Variants in CDH5 observed in about 807,000 individuals in gnomAD.
CDH5 encodes the protein cadherin 5.
CDH5 carries 28 observed loss-of-function variants against 62.0 expected under a neutral mutation model. The observed-to-expected ratio is 0.45, with a 90% CI of 0.33 to 0.62. The LOEUF (loss-of-function observed/expected upper bound fraction) is 0.62. Ranked by LOEUF, CDH5 falls within the 20% of genes least tolerant of loss-of-function variation. The pLI is 0.02. For missense variants in CDH5, 940 were observed against 1,065.1 expected (o/e 0.88, Z 1.63); for synonymous variants, 464 against 445.8 (o/e 1.04, Z -0.52).
rs2142315498 is a variant in CDH5 at position 66,379,565 on chromosome 16, G to A, written c.210+18G>A. 6.2e-7 allele frequency: 1 copy of A among 1,611,614 alleles called. No homozygotes were observed. The highest frequency in any genetic ancestry group is 2.2e-5 in the East Asian group (1 of 44,878). ...TAGGCAAGGTAAGGCTCAAGCCCCA[G>A]GACAGGAGAAGCCATCAGCAGCTGG... is the stretch of plus-strand genomic sequence containing the variant. On this transcript the variant is annotated intron_variant, in intron 2 of 11. Coordinates refer to ENST00000341529, the MANE Select transcript of CDH5 (RefSeq NM_001795.5).
intron 10 of CDH5, among the ~76,000 whole-genome samples, chr16:66,399,747 A>T (rs1961249180): frequency 6.6e-6 from 1 of 152,240 alleles, no homozygotes; most frequent in African/African-American, 2.4e-5. Flanking sequence ...ATACAATAGG[A>T]GGCAAGTCTG....
chr16:66,385,169 T>C (rs986421565), intron 2 of CDH5, among the ~76,000 whole-genome samples: 3 of 152,176 alleles, frequency 2.0e-5, no homozygotes, highest in Non-Finnish European at 4.4e-5. Context: ...GAGAGTATCA[T>C]TGTATATGCA....
intron 1 of CDH5, among the ~76,000 whole-genome samples, chr16:66,372,047 CA>C (rs1960701603): frequency 6.6e-6 from 1 of 152,178 alleles, no homozygotes; most frequent in African/African-American, 2.4e-5. Context: ...TGGACGCCCA[CA>C]AAGGGAAAGG....
Position 66,389,463 on chromosome 16 carries a change from C to T in CDH5, c.722C>T (p.Thr241Met), listed in dbSNP as rs543649916. 92 of 1,612,712 alleles carry T rather than the reference C, an allele frequency of 5.7e-5. No individual in the cohort carries two copies. Among genetic ancestry groups the T allele is most frequent in the East Asian group, 1.1e-4 (5 of 44,752 alleles). The change falls in exon 5 of 12, where the codon ACG becomes ATG. Residue 241 changes from threonine (T) to methionine (M), a missense_variant. Thr to Met is a moderately conservative substitution (Grantham distance 81, BLOSUM62 -1). Coordinates refer to ENST00000341529, the MANE Select transcript of CDH5 (RefSeq NM_001795.5). Reference sequence around the variant, plus strand: ...CAGGGCCTCCGGGGGGACTCGGGCACGGCCACCGTGCTGGTCACTCTGCAA... The same window carrying T: ...CAGGGCCTCCGGGGGGACTCGGGCATGGCCACCGTGCTGGTCACTCTGCAA... ...DAQGLRGDSG[T>M]ATVLVTLQDI...
rs1451557412 is a variant in CDH5, at chr16:66,386,219, G to A, written c.211-590G>A. On this transcript the variant is annotated intron_variant, in intron 2 of 11. Coordinates refer to ENST00000341529, the MANE Select transcript of CDH5 (RefSeq NM_001795.5). ...TTCTAGGCATGCTGGGGCTCTGCCA[G>A]GCAACTCACACCATGAGAACAACTC... 2.6e-5 allele frequency among the ~76,000 whole-genome samples: 4 copies of A among 151,656 alleles called. No homozygotes were observed. In the South Asian group the frequency reaches 8.3e-4, roughly 32 times the overall value.
Position 66,396,107 on chromosome 16 carries a change from A to C in CDH5, c.1266A>C (p.Thr422=), listed in dbSNP as rs752714451. The C allele has an allele frequency of 1.8e-5, 29 of 1,613,730 alleles. No homozygotes were observed. The highest frequency in any genetic ancestry group is 4.2e-6 in the Non-Finnish European group (5 of 1,179,802). The change falls in exon 8 of 12, where the codon ACA becomes ACC. Residue 422 remains threonine, a synonymous_variant. Transcript: ENST00000341529. Reference sequence around the variant, plus strand: ...ACAAGGGCCAGTTCTTCCGAGTCACAAAAAAGGGGGACATTTACAATGAGA... The same window carrying C: ...ACAAGGGCCAGTTCTTCCGAGTCACCAAAAAGGGGGACATTTACAATGAGA... The part of the protein sequence containing the change: ...TSDKGQFFRV[T]KKGDIYNEKE...
chr16:66,370,431 C>A (rs1324442707), intron 1 of CDH5, among the ~76,000 whole-genome samples: 1 of 152,210 alleles, frequency 6.6e-6, no homozygotes, highest in Non-Finnish European at 1.5e-5. Flanking sequence ...GGAGGAGCTT[C>A]TTTAAGTTAT....
In CDH5 at chr16:66,402,660, C is replaced by T. The variant is rs1295336131; in HGVS notation, c.1846C>T (p.Leu616=). 3.8e-6 allele frequency: 6 copies of T among 1,593,036 alleles called. No individual in the cohort carries two copies. The highest frequency in any genetic ancestry group is 5.1e-6 in the Non-Finnish European group (6 of 1,171,564). Residue 616 remains leucine (L), a synonymous_variant, in exon 12 of 12, where the codon CTG becomes TTG. Coordinates refer to ENST00000341529, the MANE Select transcript of CDH5 (RefSeq NM_001795.5). ...LCILTITVIT[L]LIFLRRRLRK... ...CGGCTCCCTGGCTGCAGTGATCACC[C>T]TGCTCATCTTCCTGCGGCGGCGGCT...
chr16:66,368,090 C>T (rs1015171162), intron 1 of CDH5, among the ~76,000 whole-genome samples: 1 of 152,202 alleles, frequency 6.6e-6, no homozygotes, highest in East Asian at 1.9e-4. Context: ...CCATGTCAGG[C>T]TCCCTCCCCA....
chr16:66,395,895 G>A (rs1961175855), intron 7 of CDH5, 164 bp from the exon 8 acceptor site: 2 of 639,882 alleles, frequency 3.1e-6, no homozygotes, highest in Admixed American at 3.1e-5. Context: ...GAATCCCTCT[G>A]TGTAGGTCCA....
chr16:66,382,455 G>A (rs978211187), intron 2 of CDH5, among the ~76,000 whole-genome samples: 9 of 152,108 alleles, frequency 5.9e-5, no homozygotes, highest in Non-Finnish European at 1.2e-4. Flanking sequence ...ACACAAATGC[G>A]AGCTCTGTGT....
At chr16:66,370,188 C>T (rs1390931340) in intron 1 of CDH5, among the ~76,000 whole-genome samples, 3 of 152,166 alleles carry the variant, frequency 2.0e-5, no homozygotes, top group East Asian at 1.9e-4. Flanking sequence ...TTAGTAGAGA[C>T]GGGGTTTCAC....
At chr16:66,367,184 A>C (rs895302792) in intron 1 of CDH5, among the ~76,000 whole-genome samples, 1 of 152,172 alleles carries the variant, frequency 6.6e-6, no homozygotes, top group African/African-American at 2.4e-5. Context: ...GCCTGACACC[A>C]GCCTCCTCAG....
At chr16:66,370,828 G>A (rs1274800146) in intron 1 of CDH5, among the ~76,000 whole-genome samples, 1 of 152,236 alleles carries the variant, frequency 6.6e-6, no homozygotes, top group Non-Finnish European at 1.5e-5. Flanking sequence ...TGAGAGGAAG[G>A]GCATTGTGCA....
At chr16:66,378,265 T>A (rs780211542) in intron 1 of CDH5, among the ~76,000 whole-genome samples, 1 of 152,190 alleles carries the variant, frequency 6.6e-6, no homozygotes, top group East Asian at 1.9e-4. Context: ...CCATAGCAGC[T>A]GCTGGGACAA....
At chr16:66,402,520 G>A (rs1190350458) in intron 11 of CDH5, 132 bp from the exon 12 acceptor site, 1 of 730,194 alleles carries the variant, frequency 1.4e-6, no homozygotes, top group Non-Finnish European at 2.1e-6. Context: ...GCAGGGGAAG[G>A]GGGGGCCAAA....
chr16:66,381,599 T>C (rs556609026), intron 2 of CDH5, among the ~76,000 whole-genome samples: 8 of 152,270 alleles, frequency 5.3e-5, no homozygotes, highest in African/African-American at 1.9e-4. Flanking sequence ...AAAGAACATG[T>C]CAATGTGCTA....
rs1300522138 is a variant in CDH5, at chr16:66,395,509, T to TC, written c.1218-550_1218-549insC. 2.7e-5 allele frequency: 4 copies of TC among 146,568 alleles called. No homozygotes were observed. The East Asian group carries it at 7.9e-4, about 29-fold the overall frequency. The allele number at this position is 146,568 out of a possible 1,614,324, so 9.1% of individuals were successfully genotyped here. A position where few individuals can be genotyped will look rare whatever the true frequency, so the allele number is the denominator to read the frequency against. The stretch of plus-strand genomic sequence containing the variant: ...ATCAGGAAACTTTTCTTTTCTTTTT[T>TC]TTTTTTTTTTTTTTTGTTATTTCTT... On this transcript the variant is annotated intron_variant, in intron 7 of 11. Transcript: ENST00000341529.
chr16:66,371,786 C>G (rs1256018741), intron 1 of CDH5, among the ~76,000 whole-genome samples: 1 of 152,022 alleles, frequency 6.6e-6, no homozygotes, highest in African/African-American at 2.4e-5. Flanking sequence ...GGGGCAGGAC[C>G]AGCCCAGGGG....
Sources: gnomAD v4.1 joint callset for allele counts (sites outside exome capture counted in the v4.1 genomes callset) on GRCh38, gnomAD v4.1.1 for gene constraint, MANE v1.5 for transcripts, NCBI Gene and HGNC (gene_info 2026-07-23, HGNC 2026-07-21) for gene names.